The following IRAK3 variants were observed in gnomAD, a reference collection of about 807,000 sequenced individuals.
IRAK3 encodes the protein interleukin-1 receptor-associated kinase 3.
A neutral mutation model predicts 56.6 loss-of-function variants in IRAK3; 57 were observed. The ratio of observed to expected loss-of-function variants is 1.01; its 90% CI spans 0.81 to 1.26. IRAK3 has a LOEUF of 1.26. Among genes scored for constraint, IRAK3 ranks in the 50% most tolerant of loss-of-function variants. The pLI is 0.00. For missense variants in IRAK3, 703 were observed against 719.0 expected, an observed-to-expected ratio of 0.98 and a Z score of 0.25; for synonymous variants, 258 against 255.7, an observed-to-expected ratio of 1.01 and a Z score of -0.09.
intron 8 of IRAK3, chr12:66,235,017 C>T (rs1443344445): frequency 6.2e-7 from 1 of 1,613,348 alleles, no homozygotes; most frequent in East Asian, 2.2e-5. Flanking sequence ...TGCAAAATTG[C>T]GTTTGTGGAG....
Position 66,251,761 on chromosome 12 carries a change from T to C in IRAK3, c.*3590T>C, listed in dbSNP as rs962839094. Reference sequence around the variant, plus strand: ...GAAGTGAGGTTTATCATGAGTAGCATTTATTAAGCATCTGCTAGAATCAAA... The same window carrying C: ...GAAGTGAGGTTTATCATGAGTAGCACTTATTAAGCATCTGCTAGAATCAAA... On this transcript the variant is annotated 3_prime_UTR_variant, in exon 12 of 12. Coordinates refer to ENST00000261233, the MANE Select transcript of IRAK3 (RefSeq NM_007199.3). 5 of 152,214 alleles carry C rather than the reference T, an allele frequency of 3.3e-5. No individual in the cohort carries two copies. Among genetic ancestry groups the C allele is most frequent in the Non-Finnish European group, 5.9e-5 (4 of 68,040 alleles). 9.4% of individuals were successfully genotyped at this position (152,214 alleles called of 1,614,324 possible). A position where few individuals can be genotyped will look rare whatever the true frequency, so the allele number is the denominator to read the frequency against.
In IRAK3 at chr12:66,251,903, C is replaced by T. The variant is rs549772854; in HGVS notation, c.*3732C>T. 7 of 152,136 alleles carry T rather than the reference C, an allele frequency of 4.6e-5. No individual in the cohort carries two copies. In the South Asian group the frequency reaches 6.2e-4, roughly 14 times the overall value. 9.4% of individuals were successfully genotyped at this position (152,136 alleles called of 1,614,324 possible). A position where few individuals can be genotyped will look rare whatever the true frequency, so the allele number is the denominator to read the frequency against. ...TATTTGAACCACACACCAATGCAAC[C>T]GAAGTAAATGCTGAAAGGGTGAGAA... On this transcript the variant is annotated 3_prime_UTR_variant, in exon 12 of 12. Coordinates refer to ENST00000261233, the MANE Select transcript of IRAK3 (RefSeq NM_007199.3).
At chr12:66,213,075 A>AT (rs1190772094) in intron 5 of IRAK3, among the ~76,000 whole-genome samples, 1 of 152,160 alleles carries the variant, frequency 6.6e-6, no homozygotes, top group Non-Finnish European at 1.5e-5. Flanking sequence ...AGAAAAAAAA[A>AT]GAAAAAGAGG....
At chr12:66,234,545 A>T (rs769201361) in intron 8 of IRAK3, 209 of 1,611,506 alleles carry the variant, frequency 1.3e-4, no homozygotes, top group Admixed American at 4.3e-4. Context: ...AGTAAGTCTC[A>T]CCTCTCCTTC....
intron 3 of IRAK3, 36 bp downstream of exon 3, chr12:66,209,556 T>G: frequency 8.1e-7 from 1 of 1,235,918 alleles, no homozygotes; most frequent in Non-Finnish European, 1.2e-6. Flanking sequence ...AGCCTTGAAC[T>G]TTGTTGCATG....
At chr12:66,209,304 A>C in intron 2 of IRAK3, 152 bp from the exon 3 acceptor site, 1 of 629,474 alleles carries the variant, frequency 1.6e-6, no homozygotes, top group Non-Finnish European at 2.9e-6. Context: ...TTCACAAATA[A>C]TACTTTCACA....
At position 66,253,512 on chromosome 12, in the gene IRAK3, A is replaced by AAAG. The variant is rs2053122379; in HGVS notation, c.*5343_*5345dup. On this transcript the variant is annotated 3_prime_UTR_variant, in exon 12 of 12. Coordinates refer to ENST00000261233, the MANE Select transcript of IRAK3 (RefSeq NM_007199.3). ...TTTTCCTGGGAGACATTTTTATTCAAAAGACCTGTATTGCCTGCCAAACCT... is the reference window on the plus strand; with the variant it reads ...TTTTCCTGGGAGACATTTTTATTCAAAAGAAGACCTGTATTGCCTGCCAAACCT... 6.6e-6 allele frequency: 1 copy of AAAG among 152,188 alleles called. No individual in the cohort carries two copies. Among genetic ancestry groups the AAAG allele is most frequent in the Non-Finnish European group, 1.5e-5 (1 of 68,042 alleles). The allele number at this position is 152,188 out of a possible 1,614,324, so 9.4% of individuals were successfully genotyped here.
chr12:66,247,975 G>T lies in IRAK3; in HGVS notation c.1595G>T (p.Cys532Phe), dbSNP rs1457443666. Residue 532 changes from cysteine (C) to phenylalanine (F), a missense_variant, in exon 12 of 12, where the codon TGC becomes TTC. Coordinates refer to ENST00000261233, the MANE Select transcript of IRAK3 (RefSeq NM_007199.3). ...KPESKRNEEA[C>F]NMPSSSCEES... Reference sequence around the variant, plus strand: ...GAGAGCAAGAGAAATGAGGAAGCTTGCAACATGCCCAGTTCTTCTTGTGAA... The same window carrying T: ...GAGAGCAAGAGAAATGAGGAAGCTTTCAACATGCCCAGTTCTTCTTGTGAA... 6.2e-7 allele frequency: 1 copy of T among 1,611,292 alleles called. No homozygotes were observed. Among genetic ancestry groups the T allele is most frequent in the Non-Finnish European group, 8.5e-7 (1 of 1,178,958 alleles).
At position 66,211,459 on chromosome 12, in the gene IRAK3, A is replaced by G; in HGVS notation, c.450A>G (p.Lys150=). The G allele has an allele frequency of 6.3e-7, 1 of 1,599,072 alleles. No homozygotes were observed. Among genetic ancestry groups the G allele is most frequent in the Non-Finnish European group, 8.6e-7 (1 of 1,166,212 alleles). The change falls in exon 5 of 12, where the codon AAA becomes AAG. Residue 150 remains lysine (K), a synonymous_variant. Coordinates refer to ENST00000261233, the MANE Select transcript of IRAK3 (RefSeq NM_007199.3). ...PEHNEKGILL[K]SSISFQNIIE... ...TTCCTTCCTAAGGAATACTGCTTAA[A>G]TCTTCCATCAGCTTTCAAAATATCA...
At chr12:66,235,383 G>T in intron 8 of IRAK3, 2 of 1,004,176 alleles carry the variant, frequency 2.0e-6, no homozygotes, top group South Asian at 9.0e-5. Context: ...GGCCGGCCGG[G>T]CCCCGGGCCG....
In IRAK3 at chr12:66,244,974, T is replaced by C; in HGVS notation, c.1113T>C (p.Cys371=). 1 of 1,613,138 alleles carries C rather than the reference T, an allele frequency of 6.2e-7. No homozygotes were observed. Among genetic ancestry groups the C allele is most frequent in the Middle Eastern group, 1.7e-4 (1 of 6,056 alleles). ...TAATAATGGAAGTTCTAACAGGATG[T>C]AGAGTAGTGTTAGATGATCCAAAAC... ...GIVIMEVLTG[C]RVVLDDPKHI... Residue 371 remains cysteine (C), a synonymous_variant, in exon 10 of 12, where the codon TGT becomes TGC. Transcript: ENST00000261233.
intron 2 of IRAK3, among the ~76,000 whole-genome samples, chr12:66,204,132 CT>C (rs984088872): frequency 6.6e-6 from 1 of 151,906 alleles, no homozygotes; most frequent in African/African-American, 2.4e-5. Flanking sequence ...GTTTTTTTAA[CT>C]TACTTTTACT....
At chr12:66,196,748 T>C (rs2052457098) in intron 1 of IRAK3, 1 of 853,594 alleles carries the variant, frequency 1.2e-6, no homozygotes, top group East Asian at 2.7e-5. Context: ...AGATCTAACT[T>C]ATAATTTTGA....
chr12:66,211,416 A>T (rs1464202614), intron 4 of IRAK3, 30 bp from the exon 5 acceptor site: 10 of 1,527,962 alleles, frequency 6.5e-6, no homozygotes, highest in Non-Finnish European at 9.1e-6. Context: ...TTCTTAGCTA[A>T]CTTATCTTCC....
chr12:66,226,859 G>C (rs746437171), intron 7 of IRAK3, 22 bp downstream of exon 7: 17 of 1,358,372 alleles, frequency 1.3e-5, no homozygotes, highest in Non-Finnish European at 1.6e-5. Context: ...CTATTATTCT[G>C]TCTGATCCTC....
At chr12:66,194,359 A>G (rs1172939523) in intron 1 of IRAK3, among the ~76,000 whole-genome samples, 1 of 151,802 alleles carries the variant, frequency 6.6e-6, no homozygotes, top group African/African-American at 2.4e-5. Context: ...CAGGTCCTCC[A>G]TTTTTCCTTG....
rs929661816 is a variant in IRAK3 at position 66,250,976 on chromosome 12, T to C, written c.*2805T>C. The C allele has an allele frequency of 1.3e-5, 2 of 152,232 alleles. No homozygotes were observed. Among genetic ancestry groups the C allele is most frequent in the African/African-American group, 4.8e-5 (2 of 41,466 alleles). The allele number at this position is 152,232 out of a possible 1,614,324, so 9.4% of individuals were successfully genotyped here. A position where few individuals can be genotyped will look rare whatever the true frequency, so the allele number is the denominator to read the frequency against. Reference sequence around the variant, plus strand: ...GCCTTAAGGTGCTCTTAAATTGTTATAGATTGGTAGATCCTACCTTTCCAT... The same window carrying C: ...GCCTTAAGGTGCTCTTAAATTGTTACAGATTGGTAGATCCTACCTTTCCAT... On this transcript the variant is annotated 3_prime_UTR_variant, in exon 12 of 12. Transcript: ENST00000261233.
rs1346657582 is a variant in IRAK3 at position 66,235,222 on chromosome 12, C to T, written c.887+6852C>T. On this transcript the variant is annotated intron_variant, in intron 8 of 11. Transcript: ENST00000261233. ...GGTGGGCTGGGACCAGAGACTGCTG[C>T]TTGCGATAGGGCGTCCGGCAGTTGC... The T allele has an allele frequency of 4.3e-6, 7 of 1,610,938 alleles. No individual in the cohort carries two copies. The African/African-American group carries it at 9.4e-5, about 22-fold the overall frequency.
In IRAK3 at chr12:66,248,804, T is replaced by A. The variant is rs1392649979; in HGVS notation, c.*633T>A. ...CCTAAACTCTTAGGACAGTTTATCC[T>A]GTATTGACTATTATTACAGCTTTTT... is the stretch of plus-strand genomic sequence containing the variant. On this transcript the variant is annotated 3_prime_UTR_variant, in exon 12 of 12. Transcript: ENST00000261233. 1 of 152,312 alleles carries A rather than the reference T, an allele frequency of 6.6e-6. No individual in the cohort carries two copies. Among genetic ancestry groups the A allele is most frequent in the South Asian group, 2.1e-4 (1 of 4,840 alleles). The allele number at this position is 152,312 out of a possible 1,614,324, so 9.4% of individuals were successfully genotyped here. A position where few individuals can be genotyped will look rare whatever the true frequency, so the allele number is the denominator to read the frequency against.
Sources: gnomAD v4.1 joint callset for allele counts (sites outside exome capture counted in the v4.1 genomes callset) on GRCh38, gnomAD v4.1.1 for gene constraint, MANE v1.5 for transcripts, NCBI Gene and HGNC (gene_info 2026-07-23, HGNC 2026-07-21) for gene names.